RAB31: variants seen among roughly 807,000 people sequenced by gnomAD.
RAB31 encodes RAB31, member RAS oncogene family, also known as ras-related protein Rab-31.
RAB31 carries 21 observed loss-of-function variants against 25.6 expected under a neutral mutation model. The ratio of observed to expected loss-of-function variants is 0.82; its 90% confidence interval spans 0.58 to 1.18. The LOEUF (loss-of-function observed/expected upper bound fraction) is 1.18, where lower values mean the gene tolerates loss of function less well. Among genes scored for constraint, RAB31 ranks in the 50% most tolerant of loss-of-function variants. RAB31 has a pLI of 0.00. For synonymous variants in RAB31, 87 were observed against 84.0 expected (o/e 1.04, Z -0.20); for missense variants, 196 against 250.1 (o/e 0.78, Z 1.46).
rs552853509 is a variant in RAB31 at position 9,862,417 on chromosome 18, C to T, written c.*3092C>T. 3.9e-5 allele frequency: 6 copies of T among 152,314 alleles called. No individual in the cohort carries two copies. In the South Asian group the frequency reaches 8.3e-4, roughly 21 times the overall value. The allele number at this position is 152,314 out of a possible 1,614,324, so 9.4% of individuals were successfully genotyped here. A position where few individuals can be genotyped will look rare whatever the true frequency, so the allele number is the denominator to read the frequency against. ...CCCAGTTCTTGCACATACAAGACAC[C>T]GCTGCAGTCAGCTAGGACCTTTCCG... On this transcript the variant is annotated 3_prime_UTR_variant, in exon 7 of 7. Transcript: ENST00000578921.
At chr18:9,823,637 A>T (rs2143093901) in intron 5 of RAB31, among the ~76,000 whole-genome samples, 1 of 152,296 alleles carries the variant, frequency 6.6e-6, no homozygotes, top group East Asian at 1.9e-4. Flanking sequence ...AATAATAAAT[A>T]TTGGAACAGT....
intron 1 of RAB31, among the ~76,000 whole-genome samples, chr18:9,720,374 A>T (rs1042831418): frequency 2.6e-5 from 4 of 152,194 alleles, no homozygotes; most frequent in Non-Finnish European, 5.9e-5. Flanking sequence ...ACATGGGAAA[A>T]GTTAGGTAAC....
intron 5 of RAB31, among the ~76,000 whole-genome samples, chr18:9,839,403 A>G (rs1470202578): frequency 6.6e-6 from 1 of 152,208 alleles, no homozygotes; most frequent in East Asian, 1.9e-4. Flanking sequence ...TCCTATTCAC[A>G]GGAATACTTG....
intron 1 of RAB31, among the ~76,000 whole-genome samples, chr18:9,717,241 T>A (rs1860349374): frequency 6.6e-6 from 1 of 152,138 alleles, no homozygotes; most frequent in Admixed American, 6.5e-5. Flanking sequence ...GGTTTTTCAC[T>A]GTGGGATCTT....
chr18:9,843,970 G>T (rs1277146337), intron 5 of RAB31, among the ~76,000 whole-genome samples: 2 of 152,126 alleles, frequency 1.3e-5, no homozygotes, highest in African/African-American at 4.8e-5. Context: ...AGGCTCTGGG[G>T]CAGGTGGAGG....
intron 1 of RAB31, among the ~76,000 whole-genome samples, chr18:9,722,257 C>A (rs1348461997): frequency 2.0e-5 from 3 of 152,138 alleles, no homozygotes; most frequent in Non-Finnish European, 2.9e-5. Context: ...TGAGATTGCC[C>A]TGGCAGCTGT....
chr18:9,788,619 A>G (rs2068445251), intron 2 of RAB31, among the ~76,000 whole-genome samples: 1 of 152,236 alleles, frequency 6.6e-6, no homozygotes, highest in African/African-American at 2.4e-5. Flanking sequence ...TTATTGCTGC[A>G]CTATCCACAA....
intron 1 of RAB31, among the ~76,000 whole-genome samples, chr18:9,727,189 G>A (rs2068099909): frequency 6.6e-6 from 1 of 152,224 alleles, no homozygotes; most frequent in Non-Finnish European, 1.5e-5. Flanking sequence ...AGCCATGTGG[G>A]CCCGTATGCC....
intron 5 of RAB31, among the ~76,000 whole-genome samples, chr18:9,840,647 T>G (rs1419860400): frequency 6.6e-6 from 1 of 152,222 alleles, no homozygotes; most frequent in African/African-American, 2.4e-5. Context: ...GTCCTACTAT[T>G]CAGTTCAATT....
chr18:9,744,245 T>C (rs2068194277), intron 1 of RAB31, among the ~76,000 whole-genome samples: 1 of 152,190 alleles, frequency 6.6e-6, no homozygotes, highest in Non-Finnish European at 1.5e-5. Context: ...ATTTCATACC[T>C]CCGTAAGTTG....
chr18:9,782,840 G>C (rs2068412082), intron 2 of RAB31, among the ~76,000 whole-genome samples: 1 of 152,140 alleles, frequency 6.6e-6, no homozygotes, highest in East Asian at 1.9e-4. Flanking sequence ...GGGACCACAG[G>C]TGTGAGCCAC....
chr18:9,779,347 C>T (rs949929808), intron 2 of RAB31, among the ~76,000 whole-genome samples: 10 of 152,142 alleles, frequency 6.6e-5, no homozygotes, highest in Non-Finnish European at 1.5e-4. Context: ...ATTTACATAA[C>T]CAATATTTAG....
rs552375743 is a variant in RAB31 at position 9,842,171 on chromosome 18, C to T, written c.381-3411C>T. ...CAGCACACCAGTGTGCTCAGCAGCC[C>T]GGACCCTCTCAAGCCTTGTGTTCAA... On this transcript the variant is annotated intron_variant, in intron 5 of 6. Coordinates refer to ENST00000578921, the MANE Select transcript of RAB31 (RefSeq NM_006868.4). Among the ~76,000 whole-genome samples the T allele has an allele frequency of 3.3e-5, 5 of 152,220 alleles. No individual in the cohort carries two copies. In the South Asian group the frequency reaches 6.2e-4, roughly 19 times the overall value.
intron 6 of RAB31, among the ~76,000 whole-genome samples, chr18:9,853,319 G>T (rs759548827): frequency 1.3e-5 from 2 of 152,004 alleles, no homozygotes; most frequent in African/African-American, 4.8e-5. Context: ...AAATTAAAGG[G>T]ATACATCCAT....
rs538989625 is a variant in RAB31, at chr18:9,793,702, C to T, written c.201+1467C>T. On this transcript the variant is annotated intron_variant, in intron 3 of 6. Coordinates refer to ENST00000578921, the MANE Select transcript of RAB31 (RefSeq NM_006868.4). ...TGAAACGGATAGCCAGATAGCCAAG[C>T]AGAGATAACCAATACCTTGTCTTAG... Among the ~76,000 whole-genome samples the T allele has an allele frequency of 2.7e-4, 41 of 151,906 alleles. No individual in the cohort carries two copies. The South Asian group carries it at 8.6e-3, about 32-fold the overall frequency.
intron 3 of RAB31, among the ~76,000 whole-genome samples, chr18:9,813,178 T>G (rs879376994): frequency 6.6e-6 from 1 of 152,198 alleles, no homozygotes; most frequent in Admixed American, 6.5e-5. Flanking sequence ...TGCTGTCTTG[T>G]CATTTGTGGA....
intron 3 of RAB31, among the ~76,000 whole-genome samples, chr18:9,794,927 T>C (rs1398724791): frequency 6.6e-6 from 1 of 152,076 alleles, no homozygotes; most frequent in Non-Finnish European, 1.5e-5. Flanking sequence ...AGAGCCTCCA[T>C]AGCCAAAGCA....
intron 1 of RAB31, among the ~76,000 whole-genome samples, chr18:9,728,358 T>A (rs2068105330): frequency 6.6e-6 from 1 of 152,252 alleles, no homozygotes; most frequent in Admixed American, 6.5e-5. Context: ...TGTACGTGAA[T>A]GAAATGTATT....
chr18:9,717,104 G>A (rs183302236), intron 1 of RAB31, among the ~76,000 whole-genome samples: 84 of 151,842 alleles, frequency 5.5e-4, no homozygotes, highest in African/African-American at 2.0e-3. Context: ...TTTTGAGACA[G>A]GGTCTTACTC....
Sources: allele counts gnomAD v4.1 joint callset (sites outside exome capture counted in the v4.1 genomes callset), GRCh38; gene constraint gnomAD v4.1.1; transcripts MANE v1.5; gene names NCBI Gene and HGNC (gene_info 2026-07-23, HGNC 2026-07-21).